The following ANKRD13B variants were observed in gnomAD, a reference collection of about 807,000 sequenced individuals.
ANKRD13B encodes the protein ankyrin repeat domain 13B.
In ANKRD13B, 33 loss-of-function variants were observed where a neutral mutation model predicts 74.4. The ratio of observed to expected loss-of-function variants is 0.44; its 90% confidence interval spans 0.34 to 0.59. ANKRD13B has a LOEUF of 0.59. Ranked by LOEUF, ANKRD13B falls within the 20% of genes least tolerant of loss-of-function variation. The pLI, the probability that ANKRD13B is intolerant of heterozygous loss-of-function variation, is 0.02. For missense variants in ANKRD13B, 676 were observed against 877.9 expected, an observed-to-expected ratio of 0.77 and a Z score of 2.91; for synonymous variants, 341 against 362.9, an observed-to-expected ratio of 0.94 and a Z score of 0.68.
In ANKRD13B at chr17:29,609,468, C is replaced by T. The variant is rs1161835562; in HGVS notation, c.822+47C>T. 1.7e-5 allele frequency: 27 copies of T among 1,602,036 alleles called. No individual in the cohort carries two copies. The Admixed American group carries it at 4.5e-4, about 27-fold the overall frequency. On this transcript the variant is annotated intron_variant, in intron 7 of 14. Coordinates refer to ENST00000394859, the MANE Select transcript of ANKRD13B (RefSeq NM_152345.5). This position sits in a 1 kb window ranked among gnomAD's most constrained non-coding sequence, Gnocchi z 4.0. ...GCCAGCCCAGCTGCACTCTTGCCTA[C>T]AGCAAGCTGTACAGGGGATTCTGAC... is the stretch of plus-strand genomic sequence containing the variant.
Position 29,608,698 on chromosome 17 carries a change from T to C in ANKRD13B, c.422-153T>C, listed in dbSNP as rs2034475258. 9.0e-7 allele frequency: 1 copy of C among 1,109,362 alleles called. No homozygotes were observed. The highest frequency in any genetic ancestry group is 1.6e-5 in the African/African-American group (1 of 63,408). 68.7% of individuals were successfully genotyped at this position (1,109,362 alleles called of 1,614,324 possible). On this transcript the variant is annotated intron_variant, in intron 4 of 14. Coordinates refer to ENST00000394859, the MANE Select transcript of ANKRD13B (RefSeq NM_152345.5). This position sits in a 1 kb window ranked among gnomAD's most constrained non-coding sequence, Gnocchi z 6.4. ...TCTTCTGTGTGAGTATGGTCTACACTGGCCAGGGAGGGGGTTTTGGAGGAG... is the reference window on the plus strand; with the variant it reads ...TCTTCTGTGTGAGTATGGTCTACACCGGCCAGGGAGGGGGTTTTGGAGGAG...
In ANKRD13B at chr17:29,612,869, G is replaced by T; in HGVS notation, c.1576-18G>T. ...GGGACTCCGCGCCGCCACGGCTAACGCCCACGCCTCCCCGCAGGTCACCAT... is the reference window on the plus strand; with the variant it reads ...GGGACTCCGCGCCGCCACGGCTAACTCCCACGCCTCCCCGCAGGTCACCAT... On this transcript the variant is annotated intron_variant, in intron 13 of 14. Transcript: ENST00000394859. This position sits in a 1 kb window ranked among gnomAD's most constrained non-coding sequence, Gnocchi z 6.1. 6.3e-7 allele frequency: 1 copy of T among 1,599,744 alleles called. No homozygotes were observed.
chr17:29,606,159 C>A (rs182494843), intron 1 of ANKRD13B, among the ~76,000 whole-genome samples: 178 of 151,992 alleles, frequency 1.2e-3, no homozygotes, highest in African/African-American at 4.1e-3. Context: ...GATCTACCCG[C>A]CTCGGCCTCC....
chr17:29,598,285 ATAAT>A (rs2034031108), intron 1 of ANKRD13B, among the ~76,000 whole-genome samples: 2 of 152,168 alleles, frequency 1.3e-5, no homozygotes, highest in Admixed American at 6.5e-5. Context: ...AATTATATAA[ATAAT>A]CTTAAATTAT....
chr17:29,613,171 G>A (rs2034665262), intron 14 of ANKRD13B, 183 bp from the exon 15 acceptor site: 8 of 1,188,296 alleles, frequency 6.7e-6, no homozygotes, highest in South Asian at 3.2e-5. Flanking sequence ...AGGCATTGAC[G>A]GGGAGAACTT....
In ANKRD13B at chr17:29,613,501, G is replaced by C; in HGVS notation, c.1800G>C (p.Glu600Asp). ...LRLAMELSAQEQEERRRRARQ... is the reference protein window; with the variant it reads ...LRLAMELSAQDQEERRRRARQ... ...TGGCGATGGAACTGTCGGCGCAGGA[G>C]CAGGAGGAGAGGCGGCGGCGCGCGC... The change falls in exon 15 of 15, where the codon GAG (glutamate) becomes GAC (aspartate). Residue 600 changes from glutamate (E) to aspartate (D), a missense_variant. Around this residue, in one of 4 missense-constraint regions of ANKRD13B, gnomAD observed 108 missense variants for 90.3 expected, o/e 1.20. Coordinates refer to ENST00000394859, the MANE Select transcript of ANKRD13B (RefSeq NM_152345.5). The C allele has an allele frequency of 6.5e-7, 1 of 1,531,606 alleles. No homozygotes were observed. Among genetic ancestry groups the C allele is most frequent in the Non-Finnish European group, 8.8e-7 (1 of 1,141,102 alleles). The allele number at this position is 1,531,606 out of a possible 1,614,324, so 94.9% of individuals were successfully genotyped here.
At position 29,612,595 on chromosome 17, in the gene ANKRD13B, CG is replaced by C; in HGVS notation, c.1411+45del. ...AGAACGCCTGCCCCTCGGCTCTCCC[CG>C]GGGTGGGTGGGAGGGGCGCGCCCGG... On this transcript the variant is annotated intron_variant, in intron 12 of 14. Transcript: ENST00000394859. The surrounding 1 kb of genome is among the most constrained non-coding windows in gnomAD (Gnocchi z 6.1). The C allele has an allele frequency of 2.2e-5, 1 of 45,982 alleles. No homozygotes were observed. The highest frequency in any genetic ancestry group is 1.7e-3 in the Middle Eastern group (1 of 602). The allele number at this position is 45,982 out of a possible 1,614,324, so 2.8% of individuals were successfully genotyped here.
chr17:29,606,359 G>T (rs926391451), intron 1 of ANKRD13B, among the ~76,000 whole-genome samples: 3 of 151,804 alleles, frequency 2.0e-5, no homozygotes, highest in Non-Finnish European at 4.4e-5. Context: ...AGGAGTTAGA[G>T]ACCAGCCTGG....
chr17:29,606,728 T>TAAAAA (rs370548766), intron 1 of ANKRD13B, among the ~76,000 whole-genome samples: 4 of 62,968 alleles, frequency 6.4e-5, no homozygotes, highest in Admixed American at 2.2e-4. Flanking sequence ...CTGTCTCAAG[T>TAAAAA]AAAAAAAAAA....
intron 1 of ANKRD13B, among the ~76,000 whole-genome samples, chr17:29,604,411 G>C (rs2034290843): frequency 6.6e-6 from 1 of 152,008 alleles, no homozygotes; most frequent in Admixed American, 6.5e-5. Context: ...GTTTTGGTAT[G>C]TTGCCCAGGC....
rs1257460499 is a variant in ANKRD13B, at chr17:29,612,068, C to T, written c.1101-48C>T. On this transcript the variant is annotated intron_variant, in intron 10 of 14. Transcript: ENST00000394859. The surrounding 1 kb of genome is among the most constrained non-coding windows in gnomAD (Gnocchi z 6.1). ...GGGGCTCCAGGAGATGCTGGGAGGC[C>T]ATGGCTTCCTGCAGTGTCCCTTACC... 2 of 1,609,410 alleles carry T rather than the reference C, an allele frequency of 1.2e-6. No homozygotes were observed. Among genetic ancestry groups the T allele is most frequent in the Non-Finnish European group, 8.5e-7 (1 of 1,176,746 alleles).
chr17:29,610,989 T>G (rs1490252765), intron 8 of ANKRD13B, among the ~76,000 whole-genome samples: 1 of 152,212 alleles, frequency 6.6e-6, no homozygotes, highest in African/African-American at 2.4e-5. Flanking sequence ...TGGAGAGCCA[T>G]GCTGCAAGTG....
rs1203749869 is a variant in ANKRD13B, at chr17:29,612,878, T to TC, written c.1576-5dup. 3 of 1,598,668 alleles carry TC rather than the reference T, an allele frequency of 1.9e-6. No individual in the cohort carries two copies. The highest frequency in any genetic ancestry group is 2.2e-5 in the East Asian group (1 of 44,776). ...CGCCGCCACGGCTAACGCCCACGCCTCCCCGCAGGTCACCATCTGGGAGGC... is the reference window on the plus strand; with the variant it reads ...CGCCGCCACGGCTAACGCCCACGCCTCCCCCGCAGGTCACCATCTGGGAGGC... On this transcript the variant is annotated splice_polypyrimidine_tract_variant and intron_variant, in intron 13 of 14. Coordinates refer to ENST00000394859, the MANE Select transcript of ANKRD13B (RefSeq NM_152345.5). This position sits in a 1 kb window ranked among gnomAD's most constrained non-coding sequence, Gnocchi z 6.1.
chr17:29,603,460 T>A (rs563319345), intron 1 of ANKRD13B, among the ~76,000 whole-genome samples: 1 of 152,080 alleles, frequency 6.6e-6, no homozygotes, highest in Non-Finnish European at 1.5e-5. Context: ...AGAGTCTTGC[T>A]GTATTGCCTG....
intron 1 of ANKRD13B, among the ~76,000 whole-genome samples, chr17:29,594,786 G>A (rs531945397): frequency 1.3e-5 from 2 of 152,304 alleles, no homozygotes; most frequent in East Asian, 3.9e-4. Flanking sequence ...CCCGCTGTGG[G>A]AATTTACCTT....
chr17:29,612,813 C>G lies in ANKRD13B; in HGVS notation c.1573C>G (p.Gln525Glu), dbSNP rs374216804. Residue 525 changes from glutamine (Q) to glutamate (E), a missense_variant and splice_region_variant, in exon 13 of 15, where the codon CAG becomes GAG. Transcript: ENST00000394859. The surrounding 1 kb of genome is among the most constrained non-coding windows in gnomAD (Gnocchi z 6.1). ...GCTTGAGGCGGGCAGTGAGTATGAC[C>G]AGGTGCGTCTCCGCGGGCGCGCGGG... ...SLLEAGSEYD[Q>E]VTIWEALTNS... The G allele has an allele frequency of 1.5e-5, 24 of 1,602,238 alleles. No homozygotes were observed. The highest frequency in any genetic ancestry group is 1.9e-5 in the Non-Finnish European group (22 of 1,178,440).
rs1378376524 is a variant in ANKRD13B, at chr17:29,600,930, T to TC, written c.115-6812_115-6811insC. ...TTTAAATATTTTACTGACTTTTTTT[T>TC]TTTTTTTTTTTTGAGACAGGGTCTG... On this transcript the variant is annotated intron_variant, in intron 1 of 14. Transcript: ENST00000394859. Among the ~76,000 whole-genome samples, 153 of 150,562 alleles carry TC rather than the reference T, an allele frequency of 1.0e-3. 2 individuals are homozygous for TC. In the Middle Eastern group the frequency reaches 0.01, roughly 10 times the overall value.
rs1013000010 is a variant in ANKRD13B, at chr17:29,613,889, G to C, written c.*307G>C. ...TAGGGCGGAGCCAGGCGGTCCTGAG[G>C]GGGAGATGAATCCTTAGAGGAGCGC... On this transcript the variant is annotated 3_prime_UTR_variant, in exon 15 of 15. Coordinates refer to ENST00000394859, the MANE Select transcript of ANKRD13B (RefSeq NM_152345.5). 7.9e-6 allele frequency: 3 copies of C among 378,330 alleles called. No homozygotes were observed. The highest frequency in any genetic ancestry group is 1.4e-5 in the Non-Finnish European group (3 of 211,880). The allele number at this position is 378,330 out of a possible 1,614,324, so 23.4% of individuals were successfully genotyped here.
rs117421059 is a variant in ANKRD13B at position 29,596,825 on chromosome 17, C to T, written c.114+3090C>T. Among the ~76,000 whole-genome samples, 1,014 of 152,226 alleles carry T rather than the reference C, an allele frequency of 6.7e-3. 9 individuals are homozygous for T. The highest frequency in any genetic ancestry group is 0.045 in the East Asian group (233 of 5,174). Reference sequence around the variant, plus strand: ...ACCACAGCTGGTAAGCTAGGAAGCTCGGGAGAGGGAGCCACAAACCCCAGA... The same window carrying T: ...ACCACAGCTGGTAAGCTAGGAAGCTTGGGAGAGGGAGCCACAAACCCCAGA... On this transcript the variant is annotated intron_variant, in intron 1 of 14. Transcript: ENST00000394859.
Sources: allele counts gnomAD v4.1 joint callset (sites outside exome capture counted in the v4.1 genomes callset), GRCh38; gene constraint gnomAD v4.1.1; regional missense constraint gnomAD v4.1.1; non-coding constraint Gnocchi (gnomAD v3.1); transcripts MANE v1.5; gene names NCBI Gene and HGNC (gene_info 2026-07-23, HGNC 2026-07-21).